ACTR3C: variants seen among roughly 807,000 people sequenced by gnomAD.
The protein encoded by ACTR3C is actin related protein 3C.
Under a neutral mutation model 26.3 loss-of-function variants are expected in ACTR3C, and 18 were observed. The observed-to-expected ratio is 0.68, with a 90% CI of 0.47 to 1.01. ACTR3C has a LOEUF of 1.01. Ranked by LOEUF, ACTR3C falls within the 50% of genes least tolerant of loss-of-function variation. The probability of loss-of-function intolerance (pLI) is 0.00; values close to 1 mark genes in which losing one functional copy is unlikely to be tolerated. For missense variants in ACTR3C, 184 were observed against 250.7 expected, an observed-to-expected ratio of 0.73 and a Z score of 1.80; for synonymous variants, 55 against 94.5, an observed-to-expected ratio of 0.58 and a Z score of 2.42.
chr7:150,291,619 T>G (rs1836271418), intron 3 of ACTR3C, among the ~76,000 whole-genome samples: 1 of 152,184 alleles, frequency 6.6e-6, no homozygotes, highest in African/African-American at 2.4e-5. Context: ...CAAACAACTT[T>G]CTTAGTGGGC....
At chr7:150,236,774 G>A in the ACTR3C span, among the ~76,000 whole-genome samples, 7 of 146,120 alleles carry the variant, frequency 4.8e-5, no homozygotes, top group South Asian at 4.2e-4. Flanking sequence ...TGAAAGCTCC[G>A]TAGGCTTCCT....
chr7:149,959,865 G>C, the ACTR3C span, among the ~76,000 whole-genome samples: 14 of 152,294 alleles, frequency 9.2e-5, no homozygotes, highest in East Asian at 1.2e-3. Flanking sequence ...GTGTTGAGCG[G>C]ACATACACTG....
chr7:150,163,360 G>A, the ACTR3C span, among the ~76,000 whole-genome samples: 60 of 133,694 alleles, frequency 4.5e-4, 1 homozygote, highest in South Asian at 0.013. Context: ...CCTTGTGTGT[G>A]TGTGTATATA....
the ACTR3C span, among the ~76,000 whole-genome samples, chr7:150,172,069 T>C: frequency 0.14 from 21,512 of 150,418 alleles, 3,273 homozygotes; most frequent in African/African-American, 0.32. Context: ...CTCGGCCTCC[T>C]AAAGTGCTAG....
At chr7:150,004,451 T>C in the ACTR3C span, 1 of 152,116 alleles carries the variant, frequency 6.6e-6, no homozygotes, top group Admixed American at 6.5e-5. Flanking sequence ...AATTAGAAGA[T>C]TGCCATCTGA....
chr7:150,183,182 A>G, the ACTR3C span, among the ~76,000 whole-genome samples: 4 of 150,680 alleles, frequency 2.7e-5, no homozygotes, highest in African/African-American at 7.5e-5. Context: ...GTATTATCTT[A>G]TATTCTTTTA....
intron 1 of ACTR3C, among the ~76,000 whole-genome samples, chr7:150,320,763 CAAAACA>C (rs988902362): frequency 1.3e-5 from 2 of 152,036 alleles, no homozygotes; most frequent in South Asian, 2.1e-4. Flanking sequence ...ACTCCATCTC[CAAAACA>C]AAAACAAAAA....
chr7:149,937,813 C>T, the ACTR3C span, among the ~76,000 whole-genome samples: 5 of 152,256 alleles, frequency 3.3e-5, no homozygotes, highest in South Asian at 2.1e-4. Context: ...CTGAATAAGG[C>T]GCATTCTGAT....
intron 1 of ACTR3C, among the ~76,000 whole-genome samples, chr7:150,306,703 C>T (rs1433219019): frequency 3.3e-5 from 5 of 152,158 alleles, no homozygotes; most frequent in African/African-American, 4.8e-5. Context: ...AGCAATACCT[C>T]GCCAAGGTGA....
intron 6 of ACTR3C, among the ~76,000 whole-genome samples, chr7:150,279,429 A>C (rs1346244509): frequency 1.3e-5 from 2 of 152,164 alleles, no homozygotes; most frequent in Non-Finnish European, 2.9e-5. Flanking sequence ...CAGAAAAATC[A>C]ATCCCTTTGC....
chr7:150,126,720 T>G, the ACTR3C span, among the ~76,000 whole-genome samples: 4 of 152,238 alleles, frequency 2.6e-5, no homozygotes, highest in African/African-American at 9.6e-5. Flanking sequence ...AAGGCTTTTT[T>G]AAGACGGTCA....
At chr7:150,030,251 C>A in the ACTR3C span, among the ~76,000 whole-genome samples, 13,842 of 135,354 alleles carry the variant, frequency 0.1, 912 homozygotes, top group South Asian at 0.17. Context: ...AGCCACTAGC[C>A]CCATGTGGCT....
the ACTR3C span, among the ~76,000 whole-genome samples, chr7:150,033,927 C>T: frequency 6.7e-6 from 1 of 149,850 alleles, no homozygotes; most frequent in Admixed American, 6.6e-5. Flanking sequence ...GGGGTGCCTC[C>T]CCCCCTGCGA....
At chr7:150,053,892 G>A in the ACTR3C span, among the ~76,000 whole-genome samples, 92,208 of 151,896 alleles carry the variant, frequency 0.61, 28,257 homozygotes, top group East Asian at 0.73. Flanking sequence ...AGGGTTGAGC[G>A]TGAGCACAAC....
At chr7:149,932,832 C>T in the ACTR3C span, among the ~76,000 whole-genome samples, 63,346 of 149,718 alleles carry the variant, frequency 0.42, 14,917 homozygotes, top group Non-Finnish European at 0.52. Context: ...GGAAAATACA[C>T]GATGGCCCAA....
chr7:150,029,397 CAAAAACAAAA>C, the ACTR3C span, among the ~76,000 whole-genome samples: 1 of 35,414 alleles, frequency 2.8e-5, no homozygotes, highest in South Asian at 9.9e-4. Flanking sequence ...CAATCTTTAT[CAAAAACAAAA>C]AAAAAAAAAA....
At chr7:149,885,288 AGCCGAGT>A in the ACTR3C span, among the ~76,000 whole-genome samples, 1 of 152,144 alleles carries the variant, frequency 6.6e-6, no homozygotes, top group Non-Finnish European at 1.5e-5. Flanking sequence ...CCCTGAGGGG[AGCCGAGT>A]GCCTTCAGCT....
chr7:150,037,215 T>C, the ACTR3C span, among the ~76,000 whole-genome samples: 4 of 39,172 alleles, frequency 1.0e-4, no homozygotes, highest in African/African-American at 2.3e-4. Context: ...CTCTCAGTAA[T>C]CCCACGTAAG....
At chr7:150,175,547 C>T in the ACTR3C span, among the ~76,000 whole-genome samples, 54 of 150,134 alleles carry the variant, frequency 3.6e-4, 3 homozygotes, top group African/African-American at 1.2e-3. Flanking sequence ...GACAAAGTGG[C>T]TCATGCCTGT....
Sources: gnomAD v4.1 joint callset for allele counts (sites outside exome capture counted in the v4.1 genomes callset) on GRCh38, gnomAD v4.1.1 for gene constraint, MANE v1.5 for transcripts, NCBI Gene and HGNC (gene_info 2026-07-23, HGNC 2026-07-21) for gene names.